The following CHRNE variants were observed in gnomAD, a reference collection of about 807,000 sequenced individuals.
CHRNE encodes cholinergic receptor nicotinic epsilon subunit.
A neutral mutation model predicts 56.5 loss-of-function variants in CHRNE; 58 were observed. The observed-to-expected ratio is 1.03, with a 90% CI of 0.83 to 1.28. The LOEUF is 1.28. Ranked by LOEUF, CHRNE falls within the 50% of genes most tolerant of loss-of-function variation. CHRNE has a pLI of 0.00. For synonymous variants in CHRNE, 385 were observed against 297.9 expected (o/e 1.29, Z -3.01); for missense variants, 793 against 688.9 (o/e 1.15, Z -1.69).
In CHRNE at chr17:4,902,971, G is replaced by A; in HGVS notation, c.46+47C>T. On this transcript the variant is annotated intron_variant, in intron 1 of 11. Coordinates refer to ENST00000649488, the MANE Select transcript of CHRNE (RefSeq NM_000080.4). This position sits in a 1 kb window ranked among gnomAD's most constrained non-coding sequence, Gnocchi z 4.0. Reference sequence around the variant, plus strand: ...GTCTTTGTCTTCCCAGTCCCTTCATGTCAGTATCTGTGTGTGTCCAATTGC... The same window carrying A: ...GTCTTTGTCTTCCCAGTCCCTTCATATCAGTATCTGTGTGTGTCCAATTGC... 1 of 1,611,272 alleles carries A rather than the reference G, an allele frequency of 6.2e-7. No homozygotes were observed. The highest frequency in any genetic ancestry group is 1.1e-5 in the South Asian group (1 of 91,008).
chr17:4,900,245 C>T (rs780869938), intron 8 of CHRNE: 3 of 1,547,238 alleles, frequency 1.9e-6, no homozygotes, highest in East Asian at 4.9e-5. Flanking sequence ...AGATCTCAGC[C>T]CTGTGGCTGC....
Position 4,902,701 on chromosome 17 carries a change from G to T in CHRNE, c.109C>A (p.Pro37Thr). The T allele has an allele frequency of 1.9e-6, 3 of 1,614,070 alleles. No homozygotes were observed. The highest frequency in any genetic ancestry group is 2.5e-6 in the Non-Finnish European group (3 of 1,180,004). ...LYHHLFNNYDPGSRPVREPED... is the reference protein window; with the variant it reads ...LYHHLFNNYDTGSRPVREPED... ...GGCTCCCGCACTGGCCGGCTTCCTG[G>T]GTCATAGTTGTTGAAGAGATGGTGA... The change falls in exon 2 of 12, where the codon CCA (proline) becomes ACA (threonine). Residue 37 changes from proline to threonine, a missense_variant. Pro to Thr is a conservative substitution (Grantham distance 38). Transcript: ENST00000649488. The surrounding 1 kb of genome is among the most constrained non-coding windows in gnomAD (Gnocchi z 4.0).
At chr17:4,901,844 C>CCCCGAGGG in intron 5 of CHRNE, 88 bp downstream of exon 5, 1 of 1,581,282 alleles carries the variant, frequency 6.3e-7, no homozygotes, top group East Asian at 2.2e-5. Context: ...CGAAGCCCCG[C>CCCCGAGGG]CCCGAGGGCG....
chr17:4,905,401 C>G (rs981176261), upstream of CHRNE, among the ~76,000 whole-genome samples: 1 of 151,914 alleles, frequency 6.6e-6, no homozygotes, highest in Admixed American at 6.6e-5. Context: ...AATAAATAAA[C>G]AACAACAAAA....
chr17:4,899,240 G>A lies in CHRNE; in HGVS notation c.1177C>T (p.Leu393Phe). The A allele has an allele frequency of 6.2e-7, 1 of 1,606,958 alleles. No homozygotes were observed. Among genetic ancestry groups the A allele is most frequent in the African/African-American group, 1.3e-5 (1 of 74,918 alleles). Reference sequence around the variant, plus strand: ...CGGTGCCTCTGCCCCTCAAACACGAGCTCGCTCCGTGGCTTTTTCAGTATC... The same window carrying A: ...CGGTGCCTCTGCCCCTCAAACACGAACTCGCTCCGTGGCTTTTTCAGTATC... The part of the protein sequence containing the change: ...ELILKKPRSE[L>F]VFEGQRHRQG... The change falls in exon 10 of 12, where the codon CTC (leucine) becomes TTC (phenylalanine). Residue 393 changes from leucine to phenylalanine, a missense_variant. Physicochemically the swap from Leu to Phe is conservative, Grantham distance 22 (BLOSUM62 0). Coordinates refer to ENST00000649488, the MANE Select transcript of CHRNE (RefSeq NM_000080.4).
Position 4,899,251 on chromosome 17 carries a change from G to A in CHRNE, c.1166C>T (p.Pro389Leu), listed in dbSNP as rs1969851790. Residue 389 changes from proline to leucine, a missense_variant, in exon 10 of 12, where the codon CCA becomes CTA. Transcript: ENST00000649488. ...LRAEELILKKPRSELVFEGQR... is the reference protein window; with the variant it reads ...LRAEELILKKLRSELVFEGQR... ...CCCCTCAAACACGAGCTCGCTCCGT[G>A]GCTTTTTCAGTATCAGCTCCTCCGC... 7 of 1,606,264 alleles carry A rather than the reference G, an allele frequency of 4.4e-6. No homozygotes were observed. The highest frequency in any genetic ancestry group is 2.2e-5 in the South Asian group (2 of 90,854).
intron 8 of CHRNE, 65 bp downstream of exon 8, chr17:4,900,728 T>G: frequency 6.5e-7 from 1 of 1,528,382 alleles, no homozygotes; most frequent in Non-Finnish European, 8.9e-7. Flanking sequence ...TCCCGGGGTC[T>G]CTGGGTTTTG....
upstream of CHRNE, among the ~76,000 whole-genome samples, chr17:4,905,934 G>A (rs575611423): frequency 2.6e-4 from 39 of 152,282 alleles, no homozygotes; most frequent in African/African-American, 9.4e-4. Flanking sequence ...CTAGACCAGT[G>A]TCAGAGGCCA....
chr17:4,906,547 A>G (rs558125285), upstream of CHRNE, among the ~76,000 whole-genome samples: 195 of 152,318 alleles, frequency 1.3e-3, no homozygotes, highest in Non-Finnish European at 1.6e-3. Context: ...GACGCTTCTC[A>G]AAATAAGACA....
rs1276027772 is a variant in CHRNE, at chr17:4,901,613, G to A, written c.513C>T (p.Tyr171=). Residue 171 remains tyrosine, a synonymous_variant, in exon 6 of 12, where the codon TAC becomes TAT. Coordinates refer to ENST00000649488, the MANE Select transcript of CHRNE (RefSeq NM_000080.4). ...NCSLIFRSQT[Y]NAEEVEFTFA... is the part of the protein sequence containing the mutation. ...AAGTGAACTCCACCTCTTCGGCATT[G>A]TACGTCTGAGAGCTGCGGAGCCAGG... The A allele has an allele frequency of 5.6e-6, 9 of 1,614,098 alleles. No homozygotes were observed. Among genetic ancestry groups the A allele is most frequent in the Non-Finnish European group, 7.6e-6 (9 of 1,180,002 alleles).
At chr17:4,907,988 A>G (rs1339380834), upstream of CHRNE, among the ~76,000 whole-genome samples, 1 of 152,106 alleles carries the variant, frequency 6.6e-6, no homozygotes, top group Non-Finnish European at 1.5e-5. Context: ...CAGCCTGATC[A>G]ACATGGTGAA....
chr17:4,899,269 T>C lies in CHRNE; in HGVS notation c.1148A>G (p.Glu383Gly). Residue 383 changes from glutamate (E) to glycine (G), a missense_variant, in exon 10 of 12, where the codon GAG (glutamate) becomes GGG (glycine). By Grantham distance (98) the Glu-to-Gly change is moderately conservative (BLOSUM62 -2). Coordinates refer to ENST00000649488, the MANE Select transcript of CHRNE (RefSeq NM_000080.4). ...SSVGLLLRAE[E>G]LILKKPRSEL... ...GCTCCGTGGCTTTTTCAGTATCAGC[T>C]CCTCCGCGCGGAGCAATAAGCCCAC... is the stretch of plus-strand genomic sequence containing the variant. 6.2e-7 allele frequency: 1 copy of C among 1,602,128 alleles called. No homozygotes were observed. Among genetic ancestry groups the C allele is most frequent in the Non-Finnish European group, 8.5e-7 (1 of 1,178,564 alleles).
At chr17:4,906,765 A>G (rs117001280), upstream of CHRNE, among the ~76,000 whole-genome samples, 15 of 152,294 alleles carry the variant, frequency 9.8e-5, no homozygotes, top group East Asian at 2.9e-3. Context: ...CTGGGAAACA[A>G]GAGAGAAAAC....
At chr17:4,901,694 G>A in intron 5 of CHRNE, 69 bp from the exon 6 acceptor site, 2 of 1,478,636 alleles carry the variant, frequency 1.4e-6, no homozygotes, top group Non-Finnish European at 9.4e-7. Flanking sequence ...GCCCAGCCCT[G>A]GAAGCTGGGA....
upstream of CHRNE, among the ~76,000 whole-genome samples, chr17:4,903,262 C>G (rs1195759129): frequency 4.6e-5 from 7 of 152,176 alleles, no homozygotes; most frequent in Admixed American, 4.6e-4. Context: ...GTTTCCTGCC[C>G]CTGCCCCGCC....
chr17:4,899,262 T>G lies in CHRNE; in HGVS notation c.1155A>C (p.Ile385=). 1 of 1,603,894 alleles carries G rather than the reference T, an allele frequency of 6.2e-7. No individual in the cohort carries two copies. Among genetic ancestry groups the G allele is most frequent in the Non-Finnish European group, 8.5e-7 (1 of 1,178,800 alleles). ...VGLLLRAEEL[I]LKKPRSELVF... ...CGAGCTCGCTCCGTGGCTTTTTCAG[T>G]ATCAGCTCCTCCGCGCGGAGCAATA... Residue 385 remains isoleucine, a synonymous_variant, in exon 10 of 12, where the codon ATA becomes ATC. Coordinates refer to ENST00000649488, the MANE Select transcript of CHRNE (RefSeq NM_000080.4).
At chr17:4,899,801 G>A in intron 8 of CHRNE, 1 of 1,551,258 alleles carries the variant, frequency 6.4e-7, no homozygotes, top group Non-Finnish European at 8.7e-7. Context: ...CCCTGATGTG[G>A]ATCTACCACT....
upstream of CHRNE, among the ~76,000 whole-genome samples, chr17:4,906,220 T>G (rs1016115864): frequency 4.6e-5 from 7 of 152,072 alleles, no homozygotes; most frequent in Non-Finnish European, 7.4e-5. Context: ...GATCATGGGG[T>G]TGGCCTAAGA....
rs368279189 is a variant in CHRNE at position 4,898,940 on chromosome 17, C to T, written c.1327-49G>A. 5.1e-4 allele frequency: 791 copies of T among 1,564,618 alleles called. 10 individuals are homozygous for T. The South Asian group carries it at 8.1e-3, about 16-fold the overall frequency. On this transcript the variant is annotated intron_variant, in intron 11 of 11. Coordinates refer to ENST00000649488, the MANE Select transcript of CHRNE (RefSeq NM_000080.4). ...GTAAAGAGGCAGCTGCAGGAGCCAG[C>T]GGCATGGGAGACAGTGGTGGGCCTC...
Sources: allele counts gnomAD v4.1 joint callset (sites outside exome capture counted in the v4.1 genomes callset), GRCh38; gene constraint gnomAD v4.1.1; non-coding constraint Gnocchi (gnomAD v3.1); transcripts MANE v1.5; gene names NCBI Gene and HGNC (gene_info 2026-07-23, HGNC 2026-07-21).